The following HDAC9 variants were observed in gnomAD, a reference collection of about 807,000 sequenced individuals.
HDAC9 encodes histone deacetylase 9, also known as MEF-2 interacting transcription repressor (MITR) protein.
A neutral mutation model predicts 139.4 loss-of-function variants in HDAC9; 41 were observed. The observed-to-expected ratio is 0.29, with a 90% confidence interval of 0.23 to 0.38. The LOEUF (loss-of-function observed/expected upper bound fraction) is 0.38, where lower values mean the gene tolerates loss of function less well. Among genes scored for constraint, HDAC9 ranks in the 10% least tolerant of loss-of-function variants. HDAC9 has a pLI of 1.00. For synonymous variants in HDAC9, 517 were observed against 476.2 expected, an observed-to-expected ratio of 1.09 and a Z score of -1.12; for missense variants, 1,147 against 1,297.0, an observed-to-expected ratio of 0.88 and a Z score of 1.78.
intron 1 of HDAC9, among the ~76,000 whole-genome samples, chr7:18,144,780 G>A (rs1262598220): frequency 2.6e-5 from 4 of 151,986 alleles, no homozygotes; most frequent in Non-Finnish European, 4.4e-5. Flanking sequence ...CTCAGTCACT[G>A]TGCTAGCAGT....
chr7:18,183,406 A>G (rs1368267145), intron 2 of HDAC9, among the ~76,000 whole-genome samples: 2 of 152,202 alleles, frequency 1.3e-5, no homozygotes, highest in African/African-American at 4.8e-5. Flanking sequence ...CAGATTCTAC[A>G]TACATAATAA....
Position 18,201,832 on chromosome 7 carries a change from G to A in HDAC9, c.25+39483G>A, listed in dbSNP as rs569091451. Reference sequence around the variant, plus strand: ...TCCCATTATTCTCCTGAATAGAGTTGAAAAAGCAAAGGTAGCAAAATCAGC... The same window carrying A: ...TCCCATTATTCTCCTGAATAGAGTTAAAAAAGCAAAGGTAGCAAAATCAGC... On this transcript the variant is annotated intron_variant, in intron 2 of 12. Coordinates refer to the HDAC9 transcript ENST00000417496. 4.6e-5 allele frequency among the ~76,000 whole-genome samples: 7 copies of A among 152,192 alleles called. No individual in the cohort carries two copies. In the South Asian group the frequency reaches 1.5e-3, roughly 32 times the overall value.
At chr7:18,119,306 A>G (rs752311925) in intron 1 of HDAC9, among the ~76,000 whole-genome samples, 18 of 152,362 alleles carry the variant, frequency 1.2e-4, no homozygotes, top group Middle Eastern at 3.4e-3. Context: ...TAGAAAATAC[A>G]GCAAGCAGCA....
intron 21 of HDAC9, among the ~76,000 whole-genome samples, chr7:18,837,274 G>A (rs565558437): frequency 9.5e-4 from 144 of 151,794 alleles, no homozygotes; most frequent in African/African-American, 3.1e-3. Context: ...ATTTTCTACC[G>A]TCAACTTGGG....
intron 1 of HDAC9, among the ~76,000 whole-genome samples, chr7:18,123,596 C>G (rs1477750669): frequency 6.6e-6 from 1 of 152,112 alleles, no homozygotes; most frequent in Non-Finnish European, 1.5e-5. Flanking sequence ...TGGAGTAGAA[C>G]TGGGCATTTT....
At chr7:18,714,617 A>G (rs923845766) in intron 12 of HDAC9, among the ~76,000 whole-genome samples, 1 of 152,170 alleles carries the variant, frequency 6.6e-6, no homozygotes, top group Non-Finnish European at 1.5e-5. Context: ...TGCTGTCTAC[A>G]TGGAACATTC....
chr7:18,721,155 A>C (rs1785115109), intron 12 of HDAC9, among the ~76,000 whole-genome samples: 1 of 152,114 alleles, frequency 6.6e-6, no homozygotes, highest in African/African-American at 2.4e-5. Context: ...TTTTTGAAAA[A>C]TTATTAAACA....
chr7:18,609,415 A>G (rs1240096737), intron 6 of HDAC9, among the ~76,000 whole-genome samples: 1 of 152,212 alleles, frequency 6.6e-6, no homozygotes, highest in African/African-American at 2.4e-5. Context: ...CATGTAGGAC[A>G]GCACAAGTAT....
intron 6 of HDAC9, among the ~76,000 whole-genome samples, chr7:18,621,556 T>C (rs1840210546): frequency 6.6e-6 from 1 of 152,116 alleles, no homozygotes; most frequent in African/African-American, 2.4e-5. Flanking sequence ...ATAATGTCTT[T>C]AGGAAATTGC....
intron 1 of HDAC9, among the ~76,000 whole-genome samples, chr7:18,298,380 C>T (rs581438): frequency 0.14 from 21,354 of 151,694 alleles, 1,819 homozygotes; most frequent in East Asian, 0.26. Flanking sequence ...TGGTGCGCTA[C>T]ACCCAGTAAC....
chr7:18,959,854 A>G (rs1005432285), intron 24 of HDAC9, among the ~76,000 whole-genome samples: 1 of 152,158 alleles, frequency 6.6e-6, no homozygotes, highest in African/African-American at 2.4e-5. Context: ...TATGCCAACC[A>G]AGGCAAAATG....
intron 24 of HDAC9, among the ~76,000 whole-genome samples, chr7:18,955,109 C>A (rs930207837): frequency 3.3e-5 from 5 of 152,094 alleles, no homozygotes; most frequent in African/African-American, 9.7e-5. Context: ...GACTACATGT[C>A]ATAACTGAAA....
intron 21 of HDAC9, among the ~76,000 whole-genome samples, chr7:18,857,308 CAT>C (rs1170954896): frequency 6.8e-6 from 1 of 147,508 alleles, no homozygotes; most frequent in African/African-American, 2.6e-5. Flanking sequence ...AAGAGTGTCA[CAT>C]ATTGTTTCAC....
rs1339509538 is a variant in HDAC9, at chr7:18,180,193, A to G, written c.25+17844A>G. On this transcript the variant is annotated intron_variant, in intron 2 of 12. Transcript: ENST00000417496. ...GTGTTTTTACACTGTTTGTCATGCC[A>G]GCATTTCTTGTGAGCACCCTCCCCA... Among the ~76,000 whole-genome samples, 8 of 149,758 alleles carry G rather than the reference A, an allele frequency of 5.3e-5. No homozygotes were observed. In the Admixed American group the frequency reaches 5.4e-4, roughly 10 times the overall value.
At chr7:18,223,478 G>A (rs994939593) in intron 2 of HDAC9, among the ~76,000 whole-genome samples, 1 of 150,372 alleles carries the variant, frequency 6.7e-6, no homozygotes, top group Non-Finnish European at 1.5e-5. Context: ...GAATACTTTA[G>A]CTTCCCTTTT....
In HDAC9 at chr7:18,359,913, C is replaced by G. The variant is rs530362988; in HGVS notation, c.-42+69398C>G. Among the ~76,000 whole-genome samples, 3 of 152,214 alleles carry G rather than the reference C, an allele frequency of 2.0e-5. No homozygotes were observed. The East Asian group carries it at 5.8e-4, about 29-fold the overall frequency. On this transcript the variant is annotated intron_variant, in intron 1 of 3. Coordinates refer to the HDAC9 transcript ENST00000413509. ...TGTGAGCCACCGTGCCTGGCCACTT[C>G]GGTGATTTTCTAACCACACTGAAGG...
intron 1 of HDAC9, among the ~76,000 whole-genome samples, chr7:18,140,433 C>T (rs1225851551): frequency 6.6e-6 from 1 of 152,128 alleles, no homozygotes; most frequent in Non-Finnish European, 1.5e-5. Context: ...CTGTCTTCCA[C>T]CGAACTTTAA....
chr7:18,396,356 C>T (rs1273816158), intron 1 of HDAC9, among the ~76,000 whole-genome samples: 1 of 152,002 alleles, frequency 6.6e-6, no homozygotes, highest in Non-Finnish European at 1.5e-5. Flanking sequence ...AAGAACTACG[C>T]AGGTATTGGC....
At chr7:18,425,259 A>T (rs1051449198) in intron 1 of HDAC9, among the ~76,000 whole-genome samples, 8 of 152,204 alleles carry the variant, frequency 5.3e-5, no homozygotes, top group African/African-American at 1.7e-4. Flanking sequence ...ATCGCAGACA[A>T]TTTCATCCAA....
Sources: gnomAD v4.1 joint callset for allele counts (sites outside exome capture counted in the v4.1 genomes callset) on GRCh38, gnomAD v4.1.1 for gene constraint, MANE v1.5 for transcripts, NCBI Gene and HGNC (gene_info 2026-07-23, HGNC 2026-07-21) for gene names.